The following RBM47 variants were observed in gnomAD, a reference collection of about 807,000 sequenced individuals.
RBM47 encodes the protein RNA binding motif protein 47, also known as RNA-binding protein 47.
Under a neutral mutation model 47.1 loss-of-function variants are expected in RBM47, and 21 were observed. The observed-to-expected ratio is 0.45, with a 90% CI of 0.32 to 0.64. The LOEUF is 0.64. Ranked by LOEUF, RBM47 falls within the 30% of genes least tolerant of loss-of-function variation. The pLI, the probability that RBM47 is intolerant of heterozygous loss-of-function variation, is 0.05. For missense variants in RBM47, 708 were observed against 870.9 expected (o/e 0.81, Z 2.35); for synonymous variants, 375 against 361.7 (o/e 1.04, Z -0.42).
intron 1 of RBM47, among the ~76,000 whole-genome samples, chr4:40,623,070 G>A (rs1051157336): frequency 6.6e-6 from 1 of 152,212 alleles, no homozygotes; most frequent in Non-Finnish European, 1.5e-5. Flanking sequence ...ATGAGAACAT[G>A]GGTGTTACCA....
At chr4:40,487,391 G>A (rs1405725571) in intron 2 of RBM47, among the ~76,000 whole-genome samples, 6 of 152,126 alleles carry the variant, frequency 3.9e-5, no homozygotes, top group African/African-American at 1.4e-4. Context: ...CACCTCCCAG[G>A]TTCAAGTGAT....
chr4:40,464,934 A>G (rs536507562), intron 3 of RBM47, among the ~76,000 whole-genome samples: 1 of 151,294 alleles, frequency 6.6e-6, no homozygotes, highest in African/African-American at 2.4e-5. Context: ...AAAATTAAAC[A>G]ACCAAACAAA....
chr4:40,488,025 A>G (rs893022878), intron 2 of RBM47, among the ~76,000 whole-genome samples: 3 of 150,264 alleles, frequency 2.0e-5, no homozygotes, highest in African/African-American at 7.3e-5. Flanking sequence ...AGGGAAAGAA[A>G]GAAAGAGAGA....
In RBM47 at chr4:40,605,576, A is replaced by C. The variant is rs1735688623; in HGVS notation, c.-240+23820T>G. ...CCGGGCACGGTGGCTCACGCCTGTA[A>C]TCTTAGCACTTTGAGAGGCCAAGGC... On this transcript the variant is annotated intron_variant, in intron 1 of 6. Coordinates refer to ENST00000295971, the MANE Select transcript of RBM47 (RefSeq NM_001098634.2). Among the ~76,000 whole-genome samples, 5 of 151,928 alleles carry C rather than the reference A, an allele frequency of 3.3e-5. 1 individual carries two copies. In the South Asian group the frequency reaches 1.0e-3, roughly 32 times the overall value.
At chr4:40,514,764 G>C (rs959943479) in intron 2 of RBM47, 9 of 152,236 alleles carry the variant, frequency 5.9e-5, no homozygotes, top group African/African-American at 2.2e-4. Flanking sequence ...CCCTTAAGGG[G>C]GAAAGCAATG....
chr4:40,476,782 C>T (rs560597995), intron 2 of RBM47, among the ~76,000 whole-genome samples: 15 of 152,234 alleles, frequency 9.9e-5, no homozygotes, highest in African/African-American at 3.6e-4. Flanking sequence ...TTAAAGTGAG[C>T]TCTGCAGCAC....
At chr4:40,497,818 TA>T (rs36023190) in intron 2 of RBM47, among the ~76,000 whole-genome samples, 2,727 of 132,188 alleles carry the variant, frequency 0.021, 41 homozygotes, top group Non-Finnish European at 0.03. Flanking sequence ...TACAGCAAAT[TA>T]AAAAAAAAAA....
At chr4:40,447,810 A>G (rs2154217857) in intron 3 of RBM47, among the ~76,000 whole-genome samples, 1 of 152,282 alleles carries the variant, frequency 6.6e-6, no homozygotes, top group East Asian at 1.9e-4. Flanking sequence ...GGAGATCGAG[A>G]CCATCCTGGC....
At chr4:40,554,014 A>G (rs1303713217) in intron 1 of RBM47, among the ~76,000 whole-genome samples, 3 of 152,282 alleles carry the variant, frequency 2.0e-5, no homozygotes, top group Admixed American at 6.5e-5. Flanking sequence ...CCAAGCTCAC[A>G]TAGAAATGGT....
rs1324324983 is a variant in RBM47, at chr4:40,493,055, AG to A, written c.-154-26357del. On this transcript the variant is annotated intron_variant, in intron 2 of 6. Transcript: ENST00000295971. ...GAAAACAGGCTTTGGAGTGTGGCAC[AG>A]AGAAGCTCAAAAACTAGCCCTGTCA... is the stretch of plus-strand genomic sequence containing the variant. Among the ~76,000 whole-genome samples, 5 of 152,334 alleles carry A rather than the reference AG, an allele frequency of 3.3e-5. No homozygotes were observed. In the East Asian group the frequency reaches 9.6e-4, roughly 29 times the overall value.
intron 1 of RBM47, among the ~76,000 whole-genome samples, chr4:40,579,564 AGTGGG>A (rs1732686729): frequency 6.6e-6 from 1 of 152,124 alleles, no homozygotes; most frequent in Non-Finnish European, 1.5e-5. Context: ...ATCTGACTTA[AGTGGG>A]AACTAGATTA....
chr4:40,487,664 C>T (rs777224562), intron 2 of RBM47, among the ~76,000 whole-genome samples: 71 of 152,072 alleles, frequency 4.7e-4, no homozygotes, highest in Admixed American at 2.6e-4. Flanking sequence ...CACGTCCTGG[C>T]ATAACACTTC....
At chr4:40,497,546 G>A (rs1722772405) in intron 2 of RBM47, among the ~76,000 whole-genome samples, 1 of 151,998 alleles carries the variant, frequency 6.6e-6, no homozygotes, top group Admixed American at 6.6e-5. Context: ...TTGAGTCCAG[G>A]AAGTCAAGGC....
At chr4:40,552,617 T>C (rs1178879547) in intron 1 of RBM47, among the ~76,000 whole-genome samples, 2 of 152,154 alleles carry the variant, frequency 1.3e-5, no homozygotes, top group Non-Finnish European at 2.9e-5. Flanking sequence ...GTCACGTCAC[T>C]TCCCTTCTCA....
rs201408070 is a variant in RBM47 at position 40,486,069 on chromosome 4, C to CAAAAAAAAAA, written c.-154-19380_-154-19371dup. Among the ~76,000 whole-genome samples, 37 of 62,822 alleles carry CAAAAAAAAAA rather than the reference C, an allele frequency of 5.9e-4. 1 individual carries two copies. The highest frequency in any genetic ancestry group is 1.5e-3 in the African/African-American group (30 of 20,206). The allele number at this position is 62,822 out of a possible 152,430, so 41.2% of individuals were successfully genotyped here. A position where few individuals can be genotyped will look rare whatever the true frequency, so the allele number is the denominator to read the frequency against. On this transcript the variant is annotated intron_variant, in intron 2 of 6. Coordinates refer to ENST00000295971, the MANE Select transcript of RBM47 (RefSeq NM_001098634.2). ...TGGACAACAGAGCAAAACCCTGTTTCAAAAAAAAAAAAAAAAAAAAAAAAA... is the reference window on the plus strand; with the variant it reads ...TGGACAACAGAGCAAAACCCTGTTTCAAAAAAAAAAAAAAAAAAAAAAAAAAAAAAAAAAA...
chr4:40,591,896 G>A (rs1395664779), intron 1 of RBM47, among the ~76,000 whole-genome samples: 2 of 152,184 alleles, frequency 1.3e-5, no homozygotes, highest in African/African-American at 4.8e-5. Flanking sequence ...GAACTGGCAA[G>A]AATTTGGTGG....
intron 1 of RBM47, among the ~76,000 whole-genome samples, chr4:40,614,596 G>A (rs145538792): frequency 9.1e-4 from 138 of 152,036 alleles, no homozygotes; most frequent in African/African-American, 3.2e-3. Context: ...CACTCTGAGA[G>A]GCCAAAGGGG....
At chr4:40,437,088 AAAATATAT>A (rs1712610609) in intron 4 of RBM47, among the ~76,000 whole-genome samples, 1 of 54,030 alleles carries the variant, frequency 1.9e-5, no homozygotes, top group Non-Finnish European at 3.1e-5. Flanking sequence ...AAAAAAAAAA[AAAATATAT>A]ATATATATAT....
intron 3 of RBM47, among the ~76,000 whole-genome samples, chr4:40,451,184 C>CAA (rs958122281): frequency 3.2e-3 from 162 of 51,348 alleles, no homozygotes; most frequent in African/African-American, 3.9e-3. Context: ...CAGTAGCTAC[C>CAA]AAAAAAAAAA....
Sources: allele counts gnomAD v4.1 joint callset (sites outside exome capture counted in the v4.1 genomes callset), GRCh38; gene constraint gnomAD v4.1.1; transcripts MANE v1.5; gene names NCBI Gene and HGNC (gene_info 2026-07-23, HGNC 2026-07-21).